The following PI4KA variants were observed in gnomAD, a reference collection of about 807,000 sequenced individuals.
PI4KA encodes phosphatidylinositol 4-kinase alpha.
Under a neutral mutation model 271.4 loss-of-function variants are expected in PI4KA, and 122 were observed. The observed-to-expected ratio is 0.45, with a 90% confidence interval of 0.39 to 0.52. The LOEUF (loss-of-function observed/expected upper bound fraction) is 0.52. PI4KA is among the 20% of genes least tolerant of loss of function. PI4KA has a pLI of 0.00. For synonymous variants in PI4KA, 1,041 were observed against 1,078.8 expected (o/e 0.96, Z 0.69); for missense variants, 1,969 against 2,769.1 (o/e 0.71, Z 6.48).
At chr22:20,771,000 T>A (rs1397985038) in intron 19 of PI4KA, among the ~76,000 whole-genome samples, 1 of 152,026 alleles carries the variant, frequency 6.6e-6, no homozygotes, top group Non-Finnish European at 1.5e-5. Context: ...GCCAACATAG[T>A]GAGACCCCGC....
chr22:20,785,546 T>C (rs1193284621), intron 19 of PI4KA, among the ~76,000 whole-genome samples: 1 of 152,174 alleles, frequency 6.6e-6, no homozygotes, highest in Non-Finnish European at 1.5e-5. Flanking sequence ...CCCTTAGGGA[T>C]TGAGTAAGTT....
intron 32 of PI4KA, among the ~76,000 whole-genome samples, chr22:20,737,766 G>A (rs1185189434): frequency 2.0e-5 from 3 of 152,096 alleles, no homozygotes; most frequent in East Asian, 3.9e-4. Flanking sequence ...TAAGTAGCTG[G>A]GATTACAGGC....
chr22:20,787,124 C>A, intron 19 of PI4KA: 3 of 1,443,374 alleles, frequency 2.1e-6, no homozygotes, highest in Non-Finnish European at 2.9e-6. Flanking sequence ...GTTTCCATTC[C>A]AACAACGAGA....
At chr22:20,855,165 A>T (rs1274462525) in intron 1 of PI4KA, among the ~76,000 whole-genome samples, 1 of 151,484 alleles carries the variant, frequency 6.6e-6, no homozygotes, top group Non-Finnish European at 1.5e-5. Context: ...AAAAAAAAAA[A>T]AGAACAAGAA....
chr22:20,744,825 G>T, intron 29 of PI4KA, 105 bp from the exon 30 acceptor site: 1 of 770,712 alleles, frequency 1.3e-6, no homozygotes, highest in Non-Finnish European at 2.1e-6. Context: ...TCGGGTCTGG[G>T]GGTTACTATT....
intron 1 of PI4KA, among the ~76,000 whole-genome samples, chr22:20,853,237 T>C (rs1335868641): frequency 6.6e-6 from 1 of 152,126 alleles, no homozygotes; most frequent in Non-Finnish European, 1.5e-5. Context: ...CTATCTACTT[T>C]GCAGCTCTGC....
chr22:20,720,968 G>A (rs1031182414), intron 43 of PI4KA, among the ~76,000 whole-genome samples: 7 of 152,182 alleles, frequency 4.6e-5, no homozygotes, highest in East Asian at 1.9e-4. Flanking sequence ...TTTGGGAACC[G>A]CTGCCCTGGG....
At chr22:20,716,350 C>T (rs1459620811) in intron 45 of PI4KA, among the ~76,000 whole-genome samples, 1 of 152,266 alleles carries the variant, frequency 6.6e-6, no homozygotes. Flanking sequence ...CCGCACCCGG[C>T]CCAGGCTCCC....
chr22:20,850,124 G>A (rs1305351538), intron 1 of PI4KA, among the ~76,000 whole-genome samples: 2 of 152,196 alleles, frequency 1.3e-5, no homozygotes, highest in Non-Finnish European at 2.9e-5. Context: ...TTTGTGGTAT[G>A]TGAATTATAT....
At chr22:20,816,954 T>C (rs1921887358) in intron 7 of PI4KA, among the ~76,000 whole-genome samples, 1 of 152,210 alleles carries the variant, frequency 6.6e-6, no homozygotes, top group Non-Finnish European at 1.5e-5. Flanking sequence ...GGGCACATCA[T>C]GGCCATCCTA....
chr22:20,831,865 T>G (rs1924221755), intron 3 of PI4KA, among the ~76,000 whole-genome samples: 1 of 152,146 alleles, frequency 6.6e-6, no homozygotes, highest in Admixed American at 6.5e-5. Flanking sequence ...AATTTTGGCC[T>G]CTCTAGTGAG....
chr22:20,786,478 A>G (rs984365397), intron 19 of PI4KA, among the ~76,000 whole-genome samples: 13 of 152,324 alleles, frequency 8.5e-5, no homozygotes, highest in Middle Eastern at 3.4e-3. Context: ...GAGCCATTAA[A>G]CACCGCACTA....
rs112310869 is a variant in PI4KA at position 20,742,573 on chromosome 22, C to T, written c.3613+35G>A. The T allele has an allele frequency of 2.9e-5, 47 of 1,611,352 alleles. No individual in the cohort carries two copies. In the African/African-American group the frequency reaches 4.4e-4, roughly 15 times the overall value. Reference sequence around the variant, plus strand: ...ATCAAGGCCAGCATTCATTTAGAAACGAGCCCAGAATTCCACAGTGCTTCA... The same window carrying T: ...ATCAAGGCCAGCATTCATTTAGAAATGAGCCCAGAATTCCACAGTGCTTCA... On this transcript the variant is annotated intron_variant, in intron 31 of 54. Transcript: ENST00000255882.
chr22:20,796,126 A>G lies in PI4KA; in HGVS notation c.2277+20T>C. 1.2e-6 allele frequency: 2 copies of G among 1,601,564 alleles called. No individual in the cohort carries two copies. The highest frequency in any genetic ancestry group is 1.7e-6 in the Non-Finnish European group (2 of 1,169,330). ...GGGATAGGACACTGATGGGGAAGGC[A>G]TAGCCATCCTCCTTCCTACCTTTAG... On this transcript the variant is annotated intron_variant, in intron 18 of 54. Transcript: ENST00000255882.
intron 19 of PI4KA, among the ~76,000 whole-genome samples, chr22:20,773,077 T>C (rs1473022830): frequency 6.7e-6 from 1 of 148,718 alleles, no homozygotes; most frequent in African/African-American, 2.5e-5. Context: ...GGTAACAGAG[T>C]GAGACCCTGT....
intron 23 of PI4KA, among the ~76,000 whole-genome samples, chr22:20,757,376 A>G (rs572555140): frequency 5.3e-5 from 8 of 152,348 alleles, no homozygotes; most frequent in Admixed American, 5.2e-4. Flanking sequence ...ATTTTGAATT[A>G]AGGTGAGGAG....
intron 8 of PI4KA, among the ~76,000 whole-genome samples, chr22:20,812,094 A>G (rs188472512): frequency 6.6e-6 from 1 of 152,244 alleles, no homozygotes; most frequent in East Asian, 1.9e-4. Context: ...ATACCCCAAG[A>G]AAGGATGTGA....
At chr22:20,712,061 TG>T (rs1925354839) in intron 50 of PI4KA, among the ~76,000 whole-genome samples, 1 of 131,324 alleles carries the variant, frequency 7.6e-6, no homozygotes, top group Admixed American at 8.1e-5. Flanking sequence ...GGTTTTTTTG[TG>T]TTTTTTTTTT....
At position 20,727,754 on chromosome 22, in the gene PI4KA, T is replaced by G. The variant is rs764781504; in HGVS notation, c.4773+20A>C. The G allele has an allele frequency of 4.4e-6, 7 of 1,591,452 alleles. No homozygotes were observed. The highest frequency in any genetic ancestry group is 6.0e-6 in the Non-Finnish European group (7 of 1,160,078). ...TTTTGTGCAGTTTGAACTCAGGCCC[T>G]GGTACGTGGGCTACACTACCTTGAT... On this transcript the variant is annotated intron_variant, in intron 40 of 54. Transcript: ENST00000255882.
Sources: gnomAD v4.1 joint callset for allele counts (sites outside exome capture counted in the v4.1 genomes callset) on GRCh38, gnomAD v4.1.1 for gene constraint, MANE v1.5 for transcripts, NCBI Gene and HGNC (gene_info 2026-07-23, HGNC 2026-07-21) for gene names.